ST6GALNAC2: variants seen among roughly 807,000 people sequenced by gnomAD.
The protein encoded by ST6GALNAC2 is alpha-N-acetylgalactosaminide alpha-2,6-sialyltransferase 2.
In ST6GALNAC2, 42 loss-of-function variants were observed where a neutral mutation model predicts 38.7. The observed-to-expected ratio is 1.09, with a 90% CI of 0.85 to 1.40. ST6GALNAC2 has a LOEUF of 1.40. ST6GALNAC2 is among the 40% of genes most tolerant of loss of function. The pLI is 0.00. For missense variants in ST6GALNAC2, 506 were observed against 481.7 expected (o/e 1.05, Z -0.47); for synonymous variants, 233 against 209.0 (o/e 1.11, Z -0.99).
At chr17:76,579,880 GT>G (rs1297345478) in intron 1 of ST6GALNAC2, among the ~76,000 whole-genome samples, 1 of 152,158 alleles carries the variant, frequency 6.6e-6, no homozygotes, top group African/African-American at 2.4e-5. Flanking sequence ...GTAACTCTCT[GT>G]TTTTTGTAAA....
intron 8 of ST6GALNAC2, 140 bp downstream of exon 8, chr17:76,567,313 A>G (rs1295167382): frequency 1.6e-6 from 1 of 642,748 alleles, no homozygotes. Context: ...GAGCAGTACC[A>G]GCAGCACTCT....
chr17:76,567,343 A>G (rs2075297210), intron 8 of ST6GALNAC2, 110 bp downstream of exon 8: 1 of 767,530 alleles, frequency 1.3e-6, no homozygotes, highest in Non-Finnish European at 2.2e-6. Flanking sequence ...GGATTCCACG[A>G]ACAGAGGCCA....
intron 7 of ST6GALNAC2, chr17:76,567,859 TTCTC>T (rs1223097460): frequency 6.2e-6 from 2 of 320,330 alleles, no homozygotes; most frequent in Non-Finnish European, 1.2e-5. Context: ...AGACTGCAGT[TTCTC>T]TCTACTCCAC....
chr17:76,574,334 AG>A (rs1326684478), intron 3 of ST6GALNAC2, 30 bp downstream of exon 3: 3 of 1,599,160 alleles, frequency 1.9e-6, no homozygotes, highest in Non-Finnish European at 2.6e-6. Context: ...CTAAGGCAGA[AG>A]GCAGGTGAGA....
intron 2 of ST6GALNAC2, among the ~76,000 whole-genome samples, chr17:76,578,198 A>G (rs1190703121): frequency 6.6e-6 from 1 of 151,986 alleles, no homozygotes; most frequent in Non-Finnish European, 1.5e-5. Context: ...ACCTCTTACT[A>G]CCTAAGCGGG....
At chr17:76,584,221 C>A (rs1380797308) in intron 1 of ST6GALNAC2, among the ~76,000 whole-genome samples, 1 of 128,076 alleles carries the variant, frequency 7.8e-6, no homozygotes, top group Non-Finnish European at 1.6e-5. Context: ...GAGACAGGAC[C>A]TTGCTGTATT....
intron 1 of ST6GALNAC2, 131 bp from the exon 2 acceptor site, chr17:76,578,947 C>A (rs1308673296): frequency 2.1e-5 from 14 of 669,040 alleles, no homozygotes; most frequent in Non-Finnish European, 3.2e-5. Flanking sequence ...TGGCTCACAT[C>A]TGTAATCCCA....
chr17:76,574,767 C>T (rs1005106249), intron 2 of ST6GALNAC2, among the ~76,000 whole-genome samples: 61 of 152,162 alleles, frequency 4.0e-4, no homozygotes, highest in Non-Finnish European at 2.1e-4. Context: ...AGCTCCGTCT[C>T]CCGGGTTCAC....
At chr17:76,569,450 G>A in intron 6 of ST6GALNAC2, 1 of 373,618 alleles carries the variant, frequency 2.7e-6, no homozygotes, top group East Asian at 3.8e-5. Flanking sequence ...TGAGGACTGG[G>A]GTTCAGGGAC....
chr17:76,567,895 C>A (rs578052994), intron 7 of ST6GALNAC2: 1 of 285,730 alleles, frequency 3.5e-6, no homozygotes, highest in South Asian at 3.5e-5. Flanking sequence ...GTAGGAATCA[C>A]GTGTGAGGGA....
rs200554513 is a variant in ST6GALNAC2, at chr17:76,567,444, G to GC, written c.957+8dup. ...CCGGCATGGGCTTCTGGAAGAGAAG[G>GC]CCTCTTACCTGGTCACAGGTATGCA... On this transcript the variant is annotated intron_variant, in intron 8 of 8. Transcript: ENST00000225276. 2.7e-4 allele frequency: 436 copies of GC among 1,601,100 alleles called. 5 individuals are homozygous for GC. In the African/African-American group the frequency reaches 4.7e-3, roughly 17 times the overall value.
intron 1 of ST6GALNAC2, among the ~76,000 whole-genome samples, chr17:76,582,163 C>A (rs575297207): frequency 8.0e-6 from 1 of 125,458 alleles, no homozygotes; most frequent in Non-Finnish European, 1.6e-5. Context: ...CCGTGCCCAG[C>A]CTTTTTTTTT....
At chr17:76,578,851 A>C in intron 1 of ST6GALNAC2, 35 bp from the exon 2 acceptor site, 1 of 1,596,878 alleles carries the variant, frequency 6.3e-7, no homozygotes, top group Non-Finnish European at 8.6e-7. Context: ...AGGGGTCAGC[A>C]GCTCTGACCT....
chr17:76,571,186 CA>C (rs1237781536), intron 5 of ST6GALNAC2: 1 of 153,640 alleles, frequency 6.5e-6, no homozygotes, highest in Non-Finnish European at 1.4e-5. Context: ...AAGCTCCCCA[CA>C]AATTCCTGAC....
Position 76,585,712 on chromosome 17 carries a change from G to A in ST6GALNAC2, c.97C>T (p.Arg33Trp). The change falls in exon 1 of 9, where the codon CGG (arginine) becomes TGG (tryptophan). Residue 33 changes from arginine (R) to tryptophan (W), a missense_variant. By Grantham distance (101) the Arg-to-Trp change is moderately radical. Transcript: ENST00000225276. ...GCTCCGGCCGCTGGCCCCGGGTACC[G>A]CTGCACCGCCGAGAAGTACAGGGCA... ...LFALYFSAVQ[R>W]YPGPAAGARD... 2 of 1,532,926 alleles carry A rather than the reference G, an allele frequency of 1.3e-6. No individual in the cohort carries two copies. The highest frequency in any genetic ancestry group is 8.7e-7 in the Non-Finnish European group (1 of 1,143,004). 95.0% of individuals were successfully genotyped at this position (1,532,926 alleles called of 1,614,324 possible). A position where few individuals can be genotyped will look rare whatever the true frequency, so the allele number is the denominator to read the frequency against.
intron 2 of ST6GALNAC2, among the ~76,000 whole-genome samples, chr17:76,576,090 G>GT (rs35657241): frequency 0.1 from 15,936 of 152,058 alleles, 962 homozygotes; most frequent in Middle Eastern, 0.15. Flanking sequence ...GCAAAAAAAT[G>GT]TTTTTTCATT....
intron 1 of ST6GALNAC2, among the ~76,000 whole-genome samples, chr17:76,579,592 C>T (rs1598260258): frequency 2.6e-5 from 4 of 152,214 alleles, no homozygotes. Flanking sequence ...GTGTTGGAAA[C>T]TGAATCCCCA....
At chr17:76,574,572 T>C in intron 2 of ST6GALNAC2, 33 bp from the exon 3 acceptor site, 1 of 1,512,784 alleles carries the variant, frequency 6.6e-7, no homozygotes, top group Non-Finnish European at 9.0e-7. Context: ...TGAGCCCCGT[T>C]AGGTAGGGGC....
chr17:76,566,895 A>G (rs1001942638), intron 8 of ST6GALNAC2, among the ~76,000 whole-genome samples: 3 of 152,126 alleles, frequency 2.0e-5, no homozygotes, highest in African/African-American at 4.8e-5. Context: ...CCAGCTCTCC[A>G]TACCAGCTTT....
Sources: gnomAD v4.1 joint callset for allele counts (sites outside exome capture counted in the v4.1 genomes callset) on GRCh38, gnomAD v4.1.1 for gene constraint, MANE v1.5 for transcripts, NCBI Gene and HGNC (gene_info 2026-07-23, HGNC 2026-07-21) for gene names.